SLC25A48: variants seen among roughly 807,000 people sequenced by gnomAD.
SLC25A48 encodes solute carrier family 25 member 48, also known as CTC-321K16.1.
A neutral mutation model predicts 32.2 loss-of-function variants in SLC25A48; 29 were observed. The ratio of observed to expected loss-of-function variants is 0.90; its 90% confidence interval spans 0.67 to 1.23. The LOEUF is 1.23. Ranked by LOEUF, SLC25A48 falls within the 50% of genes most tolerant of loss-of-function variation. The pLI is 0.00. For synonymous variants in SLC25A48, 164 were observed against 172.3 expected (o/e 0.95, Z 0.38); for missense variants, 399 against 422.7 (o/e 0.94, Z 0.49).
chr5:135,806,236 T>C (rs574758926), intron 3 of SLC25A48, among the ~76,000 whole-genome samples: 11 of 151,746 alleles, frequency 7.2e-5, no homozygotes, highest in Non-Finnish European at 1.2e-4. Context: ...TTCCAGTGGA[T>C]GTACACCCTG....
intron 3 of SLC25A48, among the ~76,000 whole-genome samples, chr5:135,794,732 C>G (rs2126636413): frequency 6.6e-6 from 1 of 151,390 alleles, no homozygotes; most frequent in African/African-American, 2.4e-5. Context: ...GCGTATACAC[C>G]CCTCCTGTGA....
In SLC25A48 at chr5:135,780,438, C is replaced by T. The variant is rs1402233884; in HGVS notation, c.-520-32085C>T. ...GAGAGGTTGTTATTACTGTCAGTAT[C>T]GTAGGGGGTGTACACCCACACTGTG... is the stretch of plus-strand genomic sequence containing the variant. On this transcript the variant is annotated intron_variant, in intron 3 of 10. Transcript: ENST00000646290. Among the ~76,000 whole-genome samples the T allele has an allele frequency of 1.7e-5, 2 of 116,118 alleles. 1 individual carries two copies. The highest frequency in any genetic ancestry group is 5.2e-5 in the African/African-American group (2 of 38,286). 76.2% of individuals were successfully genotyped at this position (116,118 alleles called of 152,430 possible). A position where few individuals can be genotyped will look rare whatever the true frequency, so the allele number is the denominator to read the frequency against.
intron 3 of SLC25A48, among the ~76,000 whole-genome samples, chr5:135,710,816 G>A (rs1291789419): frequency 2.0e-5 from 3 of 152,196 alleles, no homozygotes; most frequent in Non-Finnish European, 4.4e-5. Context: ...AGCCTCATTT[G>A]TACAGGAGAG....
chr5:135,867,140 T>C (rs1455741417), intron 4 of SLC25A48, among the ~76,000 whole-genome samples: 1 of 152,204 alleles, frequency 6.6e-6, no homozygotes, highest in Non-Finnish European at 1.5e-5. Flanking sequence ...GAATAAAAAA[T>C]TCTAATTAGA....
intron 6 of SLC25A48, chr5:135,874,577 G>C (rs983147943): frequency 1.3e-5 from 8 of 611,430 alleles, no homozygotes; most frequent in Non-Finnish European, 2.0e-5. Flanking sequence ...TCCTCAGTCA[G>C]CTCATCTCAC....
rs145403329 is a variant in SLC25A48, at chr5:135,701,474, C to T, written c.-521+66518C>T. Reference sequence around the variant, plus strand: ...TATTTTGAGGAACATAACTCCCCCCCGCCACCGGCCCCCACCACATATACA... The same window carrying T: ...TATTTTGAGGAACATAACTCCCCCCTGCCACCGGCCCCCACCACATATACA... On this transcript the variant is annotated intron_variant, in intron 3 of 10. Coordinates refer to the SLC25A48 transcript ENST00000646290. Among the ~76,000 whole-genome samples the T allele has an allele frequency of 6.5e-4, 99 of 152,070 alleles. 1 individual carries two copies. Among genetic ancestry groups the T allele is most frequent in the African/African-American group, 2.2e-3 (92 of 41,458 alleles).
At chr5:135,832,276 G>A (rs1316453929), upstream of SLC25A48, among the ~76,000 whole-genome samples, 1 of 152,142 alleles carries the variant, frequency 6.6e-6, no homozygotes, top group Admixed American at 6.5e-5. Context: ...ATGAGAAGGG[G>A]CCATGGCACC....
At position 135,797,831 on chromosome 5, in the gene SLC25A48, G is replaced by A. The variant is rs145387492; in HGVS notation, c.-520-14692G>A. On this transcript the variant is annotated intron_variant, in intron 3 of 10. Transcript: ENST00000646290. ...GATATTGTTTCTAAAATCAAGCAGG[G>A]GGGAGGATGACATTACTTCCAATAT... Among the ~76,000 whole-genome samples the A allele has an allele frequency of 6.3e-3, 950 of 151,832 alleles. 4 individuals are homozygous for A. The highest frequency in any genetic ancestry group is 8.4e-3 in the Non-Finnish European group (567 of 67,860).
rs995400338 is a variant in SLC25A48, at chr5:135,888,277, A to G, written c.*253A>G. On this transcript the variant is annotated 3_prime_UTR_variant, in exon 8 of 8. Transcript: ENST00000681962. ...CTAGGCTGGCATCAAAGAGCTTTCC[A>G]AGAAATGTTTGGTCCAGCTGAGAAG... 4 of 517,088 alleles carry G rather than the reference A, an allele frequency of 7.7e-6. No individual in the cohort carries two copies. The highest frequency in any genetic ancestry group is 1.4e-5 in the Non-Finnish European group (4 of 291,572). 32.0% of individuals were successfully genotyped at this position (517,088 alleles called of 1,614,324 possible).
chr5:135,680,481 C>T (rs1397668924), intron 3 of SLC25A48, among the ~76,000 whole-genome samples: 1 of 152,098 alleles, frequency 6.6e-6, no homozygotes, highest in Non-Finnish European at 1.5e-5. Context: ...TGTTTTCATA[C>T]TGCTTTGAAA....
chr5:135,618,479 T>C (rs533724940), intron 1 of SLC25A48, among the ~76,000 whole-genome samples: 1 of 152,296 alleles, frequency 6.6e-6, no homozygotes, highest in African/African-American at 2.4e-5. Context: ...TTGTTTTGTA[T>C]GTCCTTTGTT....
At chr5:135,832,882 G>A (rs1758260170), upstream of SLC25A48, among the ~76,000 whole-genome samples, 1 of 152,132 alleles carries the variant, frequency 6.6e-6, no homozygotes, top group African/African-American at 2.4e-5. Flanking sequence ...TGCAGGGAGT[G>A]GATCTCTGTG....
rs1438762978 is a variant in SLC25A48 at position 135,888,590 on chromosome 5, T to A, written c.*566T>A. On this transcript the variant is annotated 3_prime_UTR_variant, in exon 8 of 8. Coordinates refer to ENST00000681962, the MANE Select transcript of SLC25A48 (RefSeq NM_001349336.2). ...GTGTCTGTTGAGTGATTAAATCACA[T>A]CCTCAGGTCTGCAGCAAATAAATGA... 1.3e-5 allele frequency: 2 copies of A among 153,188 alleles called. No homozygotes were observed. The highest frequency in any genetic ancestry group is 4.8e-5 in the African/African-American group (2 of 41,492). The allele number at this position is 153,188 out of a possible 1,614,324, so 9.5% of individuals were successfully genotyped here. A position where few individuals can be genotyped will look rare whatever the true frequency, so the allele number is the denominator to read the frequency against.
At chr5:135,686,987 C>T (rs2126954959) in intron 3 of SLC25A48, among the ~76,000 whole-genome samples, 1 of 150,512 alleles carries the variant, frequency 6.6e-6, no homozygotes, top group East Asian at 2.0e-4. Context: ...CTGATATGAA[C>T]AACCTAATGC....
chr5:135,635,315 G>A (rs1040698009), intron 3 of SLC25A48, among the ~76,000 whole-genome samples: 1 of 152,192 alleles, frequency 6.6e-6, no homozygotes, highest in Non-Finnish European at 1.5e-5. Flanking sequence ...CTGAAACTGC[G>A]TTTATTGAGC....
At chr5:135,755,910 A>C (rs1755891257) in intron 3 of SLC25A48, among the ~76,000 whole-genome samples, 1 of 152,026 alleles carries the variant, frequency 6.6e-6, no homozygotes, top group African/African-American at 2.4e-5. Flanking sequence ...GATAGTAATA[A>C]AATATCTCTG....
At chr5:135,856,355 C>G (rs1760317334) in intron 4 of SLC25A48, among the ~76,000 whole-genome samples, 1 of 152,214 alleles carries the variant, frequency 6.6e-6, no homozygotes. Context: ...CCCTGGCAGC[C>G]TTCTGAGTAG....
intron 3 of SLC25A48, among the ~76,000 whole-genome samples, chr5:135,762,641 A>G (rs539345026): frequency 6.6e-6 from 1 of 152,198 alleles, no homozygotes; most frequent in South Asian, 2.1e-4. Context: ...GGTAACTATG[A>G]AAGAATGGGA....
chr5:135,724,836 C>T (rs1755051011), intron 3 of SLC25A48, among the ~76,000 whole-genome samples: 1 of 152,084 alleles, frequency 6.6e-6, no homozygotes, highest in Non-Finnish European at 1.5e-5. Context: ...TGTAACCAGA[C>T]AGCCCATGGC....
Sources: gnomAD v4.1 joint callset for allele counts (sites outside exome capture counted in the v4.1 genomes callset) on GRCh38, gnomAD v4.1.1 for gene constraint, MANE v1.5 for transcripts, NCBI Gene and HGNC (gene_info 2026-07-23, HGNC 2026-07-21) for gene names.